Variants in TIMELESS observed in about 807,000 individuals in gnomAD.
The protein encoded by TIMELESS is timeless circadian regulator.
TIMELESS carries 124 observed loss-of-function variants against 164.3 expected under a neutral mutation model. That is an observed-to-expected ratio of 0.75 (90% CI 0.65 to 0.88). The LOEUF is 0.88. Among genes scored for constraint, TIMELESS ranks in the 40% least tolerant of loss-of-function variants. The pLI is 0.00. For synonymous variants in TIMELESS, 564 were observed against 563.4 expected (o/e 1.00, Z -0.02); for missense variants, 1,422 against 1,491.4 (o/e 0.95, Z 0.77).
At position 56,425,255 on chromosome 12, in the gene TIMELESS, T is replaced by A. The variant is rs899720328; in HGVS notation, c.1579-103A>T. The A allele has an allele frequency of 3.7e-6, 5 of 1,359,744 alleles. No homozygotes were observed. The East Asian group carries it at 1.3e-4, about 34-fold the overall frequency. 84.2% of individuals were successfully genotyped at this position (1,359,744 alleles called of 1,614,324 possible). ...ACTAATTAACTGGACATTCACAGAG[T>A]GCCCATTATCTGCTATCCATCGGTA... On this transcript the variant is annotated intron_variant, in intron 13 of 28. Transcript: ENST00000553532.
intron 10 of TIMELESS, 96 bp from the exon 11 acceptor site, chr12:56,429,196 C>A (rs980265465): frequency 8.4e-7 from 1 of 1,197,348 alleles, no homozygotes; most frequent in South Asian, 1.5e-5. Flanking sequence ...TGCTGGACAC[C>A]GTCATAATTT....
At chr12:56,425,215 CT>C (rs941661294) in intron 13 of TIMELESS, 63 bp from the exon 14 acceptor site, 52 of 1,515,624 alleles carry the variant, frequency 3.4e-5, no homozygotes, top group Non-Finnish European at 4.4e-5. Context: ...CCATCAGTGT[CT>C]TTTCTATTAC....
chr12:56,420,029 A>AATAT lies in TIMELESS; in HGVS notation c.3228+536_3228+539dup, dbSNP rs1555176448. Among the ~76,000 whole-genome samples the AATAT allele has an allele frequency of 9.7e-4, 73 of 75,160 alleles. 1 individual carries two copies. Among genetic ancestry groups the AATAT allele is most frequent in the African/African-American group, 3.5e-3 (52 of 14,934 alleles). The allele number at this position is 75,160 out of a possible 152,430, so 49.3% of individuals were successfully genotyped here. A position where few individuals can be genotyped will look rare whatever the true frequency, so the allele number is the denominator to read the frequency against. On this transcript the variant is annotated intron_variant, in intron 26 of 28. Transcript: ENST00000553532. ...CTCAAAAAAAAAAAAAAAAAAAAAA[A>AATAT]ATATATATATATATATATATGTGTG...
At chr12:56,444,997 C>A (rs1868328987) in intron 1 of TIMELESS, among the ~76,000 whole-genome samples, 1 of 151,612 alleles carries the variant, frequency 6.6e-6, no homozygotes, top group Non-Finnish European at 1.5e-5. Context: ...CATTCTCTAC[C>A]TTTATGTCTC....
Position 56,428,535 on chromosome 12 carries a change from G to A in TIMELESS, c.1408+14C>T. ...TGGGACAGGCTGGGATCGGGGACCA[G>A]GCCAGGGCCTCACTCTTGATGATGC... is the stretch of plus-strand genomic sequence containing the variant. On this transcript the variant is annotated intron_variant, in intron 12 of 28. Transcript: ENST00000553532. 1 of 1,613,000 alleles carries A rather than the reference G, an allele frequency of 6.2e-7. No individual in the cohort carries two copies. Among genetic ancestry groups the A allele is most frequent in the Non-Finnish European group, 8.5e-7 (1 of 1,179,034 alleles).
In TIMELESS at chr12:56,423,626, T is replaced by C; in HGVS notation, c.2048A>G (p.Gln683Arg). ...AAAATTAAATTCTTTCTCCGACACCTGGACCACTTGCAACTCCTCCTCTTC... is the reference window on the plus strand; with the variant it reads ...AAAATTAAATTCTTTCTCCGACACCCGGACCACTTGCAACTCCTCCTCTTC... ...EEEEEELQVV[Q>R]VSEKEFNFLD... Residue 683 changes from glutamine to arginine, a missense_variant, in exon 17 of 29, where the codon CAG becomes CGG. By Grantham distance (43) the Gln-to-Arg change is conservative (BLOSUM62 1). Transcript: ENST00000553532. 1 of 1,614,150 alleles carries C rather than the reference T, an allele frequency of 6.2e-7. No individual in the cohort carries two copies. Among genetic ancestry groups the C allele is most frequent in the Non-Finnish European group, 8.5e-7 (1 of 1,180,046 alleles).
rs1881857709 is a variant in TIMELESS, at chr12:56,430,983, A to AGTT, written c.822-16_822-15insAAC. The AGTT allele has an allele frequency of 2.6e-6, 4 of 1,533,784 alleles. No homozygotes were observed. The highest frequency in any genetic ancestry group is 3.5e-6 in the Non-Finnish European group (4 of 1,137,846). ...ATCGAGAATGCCTGCAGAAACAAAA[A>AGTT]GGTCCAAGGTGATTTTTCAGTTCTC... On this transcript the variant is annotated splice_polypyrimidine_tract_variant and intron_variant, in intron 8 of 28. Coordinates refer to ENST00000553532, the MANE Select transcript of TIMELESS (RefSeq NM_003920.5).
chr12:56,434,852 T>C (rs1483831778), intron 1 of TIMELESS, among the ~76,000 whole-genome samples: 1 of 152,172 alleles, frequency 6.6e-6, no homozygotes, highest in Non-Finnish European at 1.5e-5. Context: ...GTGTTCAAGA[T>C]TAGCCTGGGC....
intron 10 of TIMELESS, among the ~76,000 whole-genome samples, chr12:56,429,575 C>A (rs1396183594): frequency 6.8e-6 from 1 of 147,888 alleles, no homozygotes; most frequent in Non-Finnish European, 1.5e-5. Flanking sequence ...GATCTCGGCT[C>A]ACTGCAACCT....
intron 6 of TIMELESS, 35 bp downstream of exon 6, chr12:56,432,991 C>G: frequency 7.6e-7 from 1 of 1,315,654 alleles, no homozygotes; most frequent in Non-Finnish European, 1.1e-6. Context: ...TCAACCTAAC[C>G]ATGCACAAGA....
chr12:56,430,129 G>C lies in TIMELESS; in HGVS notation c.1062C>G (p.Tyr354Ter). 2 of 1,613,570 alleles carry C rather than the reference G, an allele frequency of 1.2e-6. No individual in the cohort carries two copies. The highest frequency in any genetic ancestry group is 2.2e-5 in the South Asian group (2 of 90,994). Residue 354 changes from tyrosine to a stop codon, truncating the protein, a stop_gained, in exon 10 of 29, where the codon TAC becomes TAG. Coordinates refer to ENST00000553532, the MANE Select transcript of TIMELESS (RefSeq NM_003920.5). LOFTEE classifies it high-confidence loss of function. ...CCTTTACTGATCCCATGAGCCGGTT[G>C]TAACAGTTCTCCAGGAACTCAGAGC... ...DFCSEFLENCYNRLMGSVKDH... is the reference protein window; with the variant it reads ...DFCSEFLENC
At chr12:56,419,157 A>G (rs774181858) in intron 26 of TIMELESS, among the ~76,000 whole-genome samples, 1 of 151,780 alleles carries the variant, frequency 6.6e-6, no homozygotes, top group Non-Finnish European at 1.5e-5. Context: ...ACACCGGGCT[A>G]ATTTTTGTAT....
In TIMELESS at chr12:56,420,976, G is replaced by A; in HGVS notation, c.3027C>T (p.Ser1009=). The change falls in exon 24 of 29, where the codon AGC becomes AGT. Residue 1009 remains serine (S), a synonymous_variant. Transcript: ENST00000553532. The part of the protein sequence containing the change: ...LVLSNENLGQ[S]LHQEGFSIPL... ...CAAAGTCCTCACCTTCCTGATGCAG[G>A]CTTTGACCAAGGTTTTCATTTGAAA... 6.2e-7 allele frequency: 1 copy of A among 1,614,142 alleles called. No individual in the cohort carries two copies. The highest frequency in any genetic ancestry group is 1.3e-5 in the African/African-American group (1 of 75,038).
intron 7 of TIMELESS, among the ~76,000 whole-genome samples, chr12:56,432,016 C>CG (rs1881903661): frequency 6.6e-6 from 1 of 151,740 alleles, no homozygotes; most frequent in Admixed American, 6.6e-5. Context: ...GACTAACAGG[C>CG]GGGTATACAC....
intron 19 of TIMELESS, among the ~76,000 whole-genome samples, chr12:56,422,540 A>T (rs1881532363): frequency 6.6e-6 from 1 of 152,164 alleles, no homozygotes; most frequent in African/African-American, 2.4e-5. Flanking sequence ...GTTTCCCAGC[A>T]CATTTTGGGA....
intron 18 of TIMELESS, 60 bp from the exon 19 acceptor site, chr12:56,423,052 C>T: frequency 6.4e-7 from 1 of 1,563,424 alleles, no homozygotes; most frequent in Non-Finnish European, 8.7e-7. Context: ...CGAACCTGGC[C>T]CTCTAGGTAT....
At chr12:56,427,354 C>T (rs749605024) in intron 13 of TIMELESS, among the ~76,000 whole-genome samples, 17 of 152,084 alleles carry the variant, frequency 1.1e-4, no homozygotes, top group Admixed American at 2.6e-4. Context: ...AACTCCTGGC[C>T]TCAAATGATC....
At position 56,445,151 on chromosome 12, in the gene TIMELESS, C is replaced by T. The variant is rs146447036; in HGVS notation, c.-62+4159G>A. On this transcript the variant is annotated intron_variant, in intron 1 of 28. Transcript: ENST00000553532. ...TTATTAAAAGAAACCTAGGGCCAGG[C>T]GCAGTGGCTCATGCCTGTAATCCCA... 3.2e-3 allele frequency among the ~76,000 whole-genome samples: 481 copies of T among 151,968 alleles called. 1 individual carries two copies. Among genetic ancestry groups the T allele is most frequent in the African/African-American group, 0.011 (437 of 41,450 alleles).
intron 1 of TIMELESS, among the ~76,000 whole-genome samples, chr12:56,437,191 A>T (rs1882100058): frequency 6.6e-6 from 1 of 152,180 alleles, no homozygotes; most frequent in South Asian, 2.1e-4. Flanking sequence ...GGCCTCCCAA[A>T]GTGCTGGGAT....
Sources: allele counts gnomAD v4.1 joint callset (sites outside exome capture counted in the v4.1 genomes callset), GRCh38; gene constraint gnomAD v4.1.1; transcripts MANE v1.5; gene names NCBI Gene and HGNC (gene_info 2026-07-23, HGNC 2026-07-21).